RAP1GDS1: variants seen among roughly 807,000 people sequenced by gnomAD.
RAP1GDS1 encodes the protein Rap1 GTPase-GDP dissociation stimulator 1, also known as RAP1, GTP-GDP dissociation stimulator 1.
Under a neutral mutation model 71.1 loss-of-function variants are expected in RAP1GDS1, and 35 were observed. The ratio of observed to expected loss-of-function variants is 0.49; its 90% CI spans 0.38 to 0.65. The LOEUF (loss-of-function observed/expected upper bound fraction) is 0.65, where lower values mean the gene tolerates loss of function less well. Ranked by LOEUF, RAP1GDS1 falls within the 30% of genes least tolerant of loss-of-function variation. The probability of loss-of-function intolerance (pLI) is 0.00; values close to 1 mark genes in which losing one functional copy is unlikely to be tolerated. For missense variants in RAP1GDS1, 663 were observed against 706.1 expected (o/e 0.94, Z 0.69); for synonymous variants, 229 against 243.1 (o/e 0.94, Z 0.54).
intron 2 of RAP1GDS1, among the ~76,000 whole-genome samples, chr4:98,313,312 C>T (rs1233741658): frequency 1.3e-5 from 2 of 152,120 alleles, no homozygotes; most frequent in Non-Finnish European, 2.9e-5. Flanking sequence ...ATCTGCTTTA[C>T]TGAAAACCTA....
At position 98,417,403 on chromosome 4, in the gene RAP1GDS1, G is replaced by A. The variant is rs771584957; in HGVS notation, c.944G>A (p.Gly315Asp). 2 of 1,612,882 alleles carry A rather than the reference G, an allele frequency of 1.2e-6. No individual in the cohort carries two copies. Among genetic ancestry groups the A allele is most frequent in the Non-Finnish European group, 1.7e-6 (2 of 1,178,982 alleles). ...CAGAAGTTATTTGAAGGAGGAAAAG[G>A]TAGTGTATTTCAAAGGGTACTCTCT... is the stretch of plus-strand genomic sequence containing the variant. The part of the protein sequence containing the change: ...SMQKLFEGGK[G>D]SVFQRVLSWI... The change falls in exon 9 of 15, where the codon GGT (glycine) becomes GAT (aspartate). Residue 315 changes from glycine (G) to aspartate (D), a missense_variant. Transcript: ENST00000408927.
intron 2 of RAP1GDS1, among the ~76,000 whole-genome samples, chr4:98,321,504 T>G (rs1396159628): frequency 1.5e-5 from 2 of 137,026 alleles, no homozygotes; most frequent in African/African-American, 5.5e-5. Flanking sequence ...GGAAAAAATG[T>G]TAAGGGCAGC....
Position 98,327,989 on chromosome 4 carries a change from C to T in RAP1GDS1, c.113-15150C>T, listed in dbSNP as rs969021615. ...AGAAAGGAAAATACAAAGTAAAATTCATAATAATATGGCAATCCCAGTTTG... is the reference window on the plus strand; with the variant it reads ...AGAAAGGAAAATACAAAGTAAAATTTATAATAATATGGCAATCCCAGTTTG... On this transcript the variant is annotated intron_variant, in intron 2 of 14. Coordinates refer to ENST00000408927, the MANE Select transcript of RAP1GDS1 (RefSeq NM_001100427.2). 5.3e-5 allele frequency among the ~76,000 whole-genome samples: 8 copies of T among 152,134 alleles called. No individual in the cohort carries two copies. The East Asian group carries it at 1.5e-3, about 29-fold the overall frequency.
intron 4 of RAP1GDS1, among the ~76,000 whole-genome samples, chr4:98,367,740 C>T (rs1201392054): frequency 1.3e-5 from 2 of 152,226 alleles, no homozygotes; most frequent in Non-Finnish European, 1.5e-5. Context: ...TTCAGACTTG[C>T]ATGCAGCCTG....
chr4:98,307,145 T>C (rs1729447877), intron 2 of RAP1GDS1, among the ~76,000 whole-genome samples: 1 of 151,920 alleles, frequency 6.6e-6, no homozygotes, highest in South Asian at 2.1e-4. Flanking sequence ...TTTTAGATAA[T>C]CAATTTTCCT....
chr4:98,421,917 G>A (rs1343484013), intron 12 of RAP1GDS1, among the ~76,000 whole-genome samples: 2 of 152,028 alleles, frequency 1.3e-5, no homozygotes, highest in Non-Finnish European at 2.9e-5. Flanking sequence ...CTGTTTTCTT[G>A]TTGGGCGTGG....
intron 1 of RAP1GDS1, among the ~76,000 whole-genome samples, chr4:98,263,312 T>A (rs1722288171): frequency 6.6e-6 from 1 of 152,250 alleles, no homozygotes; most frequent in Non-Finnish European, 1.5e-5. Flanking sequence ...ACAATCCATT[T>A]AACATTTTAG....
intron 2 of RAP1GDS1, among the ~76,000 whole-genome samples, chr4:98,315,031 A>G (rs1730746561): frequency 6.6e-6 from 1 of 152,194 alleles, no homozygotes; most frequent in African/African-American, 2.4e-5. Context: ...TAGTGTCTGT[A>G]GTTTCAGCTG....
chr4:98,404,366 T>G, intron 6 of RAP1GDS1, 111 bp from the exon 7 acceptor site: 1 of 1,008,266 alleles, frequency 9.9e-7, no homozygotes, highest in Admixed American at 3.5e-5. Flanking sequence ...TTCCCATATT[T>G]GAAGAGTATT....
At chr4:98,378,362 T>G (rs1440447045) in intron 4 of RAP1GDS1, among the ~76,000 whole-genome samples, 1 of 151,904 alleles carries the variant, frequency 6.6e-6, no homozygotes, top group African/African-American at 2.4e-5. Flanking sequence ...TTGAATTATA[T>G]TGGTGTGCCC....
intron 2 of RAP1GDS1, among the ~76,000 whole-genome samples, chr4:98,297,500 A>G (rs1279095511): frequency 6.6e-6 from 1 of 152,158 alleles, no homozygotes; most frequent in East Asian, 1.9e-4. Flanking sequence ...AATTCTTGCA[A>G]CATTTCAGAC....
chr4:98,387,366 C>T (rs1742925748), intron 5 of RAP1GDS1: 1 of 450,484 alleles, frequency 2.2e-6, no homozygotes. Context: ...TCTAGTTATA[C>T]CAATGTTTTA....
At chr4:98,303,171 C>G (rs912378981) in intron 2 of RAP1GDS1, among the ~76,000 whole-genome samples, 2 of 151,928 alleles carry the variant, frequency 1.3e-5, no homozygotes, top group African/African-American at 4.8e-5. Flanking sequence ...TATATTGAAC[C>G]AAGCTGCCCA....
chr4:98,321,276 A>G (rs1731836508), intron 2 of RAP1GDS1, among the ~76,000 whole-genome samples: 4 of 149,084 alleles, frequency 2.7e-5, no homozygotes, highest in African/African-American at 9.9e-5. Context: ...CTATGTGAAA[A>G]GACCAAATCT....
At chr4:98,288,312 G>A (rs925798465) in intron 1 of RAP1GDS1, among the ~76,000 whole-genome samples, 2 of 152,116 alleles carry the variant, frequency 1.3e-5, no homozygotes, top group Non-Finnish European at 2.9e-5. Flanking sequence ...ATAGTTTGCT[G>A]AGAATGATGG....
intron 4 of RAP1GDS1, among the ~76,000 whole-genome samples, chr4:98,377,388 A>G (rs1027321055): frequency 1.3e-5 from 2 of 151,856 alleles, no homozygotes; most frequent in African/African-American, 4.8e-5. Flanking sequence ...AAAATTTGGA[A>G]ATTAGATTTC....
At chr4:98,386,551 A>G (rs1742790667) in intron 5 of RAP1GDS1, among the ~76,000 whole-genome samples, 1 of 148,738 alleles carries the variant, frequency 6.7e-6, no homozygotes, top group Admixed American at 6.7e-5. Context: ...AACCTCCAAT[A>G]TTGTCAATAT....
intron 2 of RAP1GDS1, among the ~76,000 whole-genome samples, chr4:98,300,915 T>C (rs545497763): frequency 6.6e-6 from 1 of 152,312 alleles, no homozygotes; most frequent in Non-Finnish European, 1.5e-5. Flanking sequence ...TCATTTGCTT[T>C]AGTCAGCTTT....
chr4:98,385,823 A>G (rs769105019), intron 5 of RAP1GDS1, among the ~76,000 whole-genome samples: 4 of 151,954 alleles, frequency 2.6e-5, no homozygotes, highest in Admixed American at 6.6e-5. Context: ...TTAAGCTAAT[A>G]TATTCTTTTG....
Sources: allele counts gnomAD v4.1 joint callset (sites outside exome capture counted in the v4.1 genomes callset), GRCh38; gene constraint gnomAD v4.1.1; transcripts MANE v1.5; gene names NCBI Gene and HGNC (gene_info 2026-07-23, HGNC 2026-07-21).